The following CCNJL variants were observed in gnomAD, a reference collection of about 807,000 sequenced individuals.
The protein encoded by CCNJL is cyclin J like.
In CCNJL, 33 loss-of-function variants were observed where a neutral mutation model predicts 33.4. The observed-to-expected ratio is 0.99, with a 90% CI of 0.75 to 1.32. CCNJL has a LOEUF of 1.32. CCNJL is among the 40% of genes most tolerant of loss of function. CCNJL has a pLI of 0.00. For missense variants in CCNJL, 512 were observed against 499.7 expected (o/e 1.02, Z -0.23); for synonymous variants, 227 against 220.9 (o/e 1.03, Z -0.24).
At chr5:160,258,423 T>C (rs1418858093) in intron 4 of CCNJL, 21 of 909,966 alleles carry the variant, frequency 2.3e-5, no homozygotes, top group African/African-American at 1.6e-5. Flanking sequence ...ACCTTTATAA[T>C]GACAGGATGT....
At chr5:160,329,928 GA>G (rs1763585208) in intron 1 of CCNJL, among the ~76,000 whole-genome samples, 1 of 152,122 alleles carries the variant, frequency 6.6e-6, no homozygotes, top group East Asian at 1.9e-4. Context: ...TGTGGTTATG[GA>G]GAGACCACCA....
At chr5:160,292,503 C>G (rs1273191311) in intron 2 of CCNJL, among the ~76,000 whole-genome samples, 1 of 151,930 alleles carries the variant, frequency 6.6e-6, no homozygotes, top group African/African-American at 2.4e-5. Context: ...CACCTGTAGG[C>G]CTAACTACTT....
At chr5:160,290,197 G>T (rs1762538313) in intron 2 of CCNJL, among the ~76,000 whole-genome samples, 1 of 152,034 alleles carries the variant, frequency 6.6e-6, no homozygotes, top group Non-Finnish European at 1.5e-5. Context: ...TTGCCTTGAG[G>T]TTTTACTTCT....
intron 2 of CCNJL, among the ~76,000 whole-genome samples, chr5:160,292,064 T>C (rs1762604529): frequency 6.6e-6 from 1 of 152,022 alleles, no homozygotes; most frequent in Non-Finnish European, 1.5e-5. Context: ...CCCGTCTCTT[T>C]AAAAAACAAA....
At chr5:160,297,654 CAAAA>C (rs59634260) in intron 2 of CCNJL, among the ~76,000 whole-genome samples, 1 of 107,634 alleles carries the variant, frequency 9.3e-6, no homozygotes, top group African/African-American at 3.2e-5. Context: ...TCTCTATTTA[CAAAA>C]AAAAAAAAAA....
At chr5:160,317,963 T>C (rs974564924) in intron 1 of CCNJL, among the ~76,000 whole-genome samples, 2 of 152,130 alleles carry the variant, frequency 1.3e-5, no homozygotes, top group African/African-American at 4.8e-5. Context: ...CCTGCCTGTG[T>C]CTTCACACGG....
At chr5:160,272,810 T>C (rs1761883670) in intron 3 of CCNJL, among the ~76,000 whole-genome samples, 2 of 152,186 alleles carry the variant, frequency 1.3e-5, no homozygotes, top group African/African-American at 4.8e-5. Flanking sequence ...TACCTACCTG[T>C]TGACCAAAAC....
chr5:160,293,420 G>GATAATA (rs1179189160), intron 2 of CCNJL, among the ~76,000 whole-genome samples: 1 of 151,990 alleles, frequency 6.6e-6, no homozygotes, highest in Non-Finnish European at 1.5e-5. Flanking sequence ...CTCAGAAAAT[G>GATAATA]ATAATAATAA....
At chr5:160,258,402 G>C (rs1182684726) in intron 4 of CCNJL, 5 of 832,964 alleles carry the variant, frequency 6.0e-6, no homozygotes, top group South Asian at 2.7e-5. Flanking sequence ...CCATAAGAAG[G>C]CTTCCTGAGA....
intron 2 of CCNJL, among the ~76,000 whole-genome samples, chr5:160,283,185 A>T (rs548702243): frequency 3.3e-5 from 5 of 151,620 alleles, no homozygotes; most frequent in African/African-American, 1.2e-4. Flanking sequence ...AGAATATTAC[A>T]CATGTTACAG....
At chr5:160,316,118 T>C (rs1404433937), upstream of CCNJL, among the ~76,000 whole-genome samples, 1 of 152,164 alleles carries the variant, frequency 6.6e-6, no homozygotes. Context: ...AGAGTAAATA[T>C]ACATTGCACC....
At chr5:160,268,278 G>A (rs1223891885) in intron 3 of CCNJL, among the ~76,000 whole-genome samples, 1 of 152,192 alleles carries the variant, frequency 6.6e-6, no homozygotes, top group Non-Finnish European at 1.5e-5. Flanking sequence ...GCAGTGCAGC[G>A]GGCAGTGCCC....
intron 2 of CCNJL, among the ~76,000 whole-genome samples, chr5:160,308,901 T>C (rs2113452081): frequency 6.6e-6 from 1 of 152,266 alleles, no homozygotes; most frequent in African/African-American, 2.4e-5. Flanking sequence ...TGTGAGAGTC[T>C]GAGAAACACA....
At chr5:160,312,930 CTCTCT>C (rs1486361508), upstream of CCNJL, 7 of 140,568 alleles carry the variant, frequency 5.0e-5, no homozygotes, top group Non-Finnish European at 7.8e-5. Context: ...TTCTTTCTCT[CTCTCT>C]TTTTTTTTTT....
chr5:160,292,113 CCT>C (rs1302935822), intron 2 of CCNJL, among the ~76,000 whole-genome samples: 1 of 152,056 alleles, frequency 6.6e-6, no homozygotes, highest in East Asian at 1.9e-4. Context: ...CCGTGGAAAC[CCT>C]CTGTTGCTAC....
intron 2 of CCNJL, among the ~76,000 whole-genome samples, chr5:160,306,632 C>A (rs1219734298): frequency 6.6e-6 from 1 of 152,188 alleles, no homozygotes; most frequent in Non-Finnish European, 1.5e-5. Flanking sequence ...ACTCATGAAG[C>A]CTTAAGTCAC....
At chr5:160,272,985 C>T (rs1365575577) in intron 3 of CCNJL, among the ~76,000 whole-genome samples, 1 of 152,146 alleles carries the variant, frequency 6.6e-6, no homozygotes, top group Non-Finnish European at 1.5e-5. Context: ...AAACAAAGGA[C>T]TTTGCAGTCA....
intron 3 of CCNJL, chr5:160,269,442 G>A (rs1208695055): frequency 2.2e-6 from 1 of 456,544 alleles, no homozygotes; most frequent in South Asian, 1.5e-5. Context: ...CTGCTTTAAA[G>A]AAAGCTCACT....
chr5:160,282,260 T>C (rs1762239230), intron 2 of CCNJL, among the ~76,000 whole-genome samples: 1 of 152,198 alleles, frequency 6.6e-6, no homozygotes, highest in Non-Finnish European at 1.5e-5. Context: ...AAGTATGAAG[T>C]ACCTTCTCTA....
Sources: gnomAD v4.1 joint callset for allele counts (sites outside exome capture counted in the v4.1 genomes callset) on GRCh38, gnomAD v4.1.1 for gene constraint, MANE v1.5 for transcripts, NCBI Gene and HGNC (gene_info 2026-07-23, HGNC 2026-07-21) for gene names.